Variants in GBE1 observed in about 807,000 individuals in gnomAD.
GBE1 encodes 1,4-alpha-glucan branching enzyme 1.
A neutral mutation model predicts 88.8 loss-of-function variants in GBE1; 70 were observed. The ratio of observed to expected loss-of-function variants is 0.79; its 90% CI spans 0.65 to 0.96. The LOEUF (loss-of-function observed/expected upper bound fraction) is 0.96. GBE1 is among the 40% of genes least tolerant of loss of function. The probability of loss-of-function intolerance (pLI) is 0.00; values close to 1 mark genes in which losing one functional copy is unlikely to be tolerated. For synonymous variants in GBE1, 284 were observed against 300.1 expected, an observed-to-expected ratio of 0.95 and a Z score of 0.56; for missense variants, 872 against 871.0, an observed-to-expected ratio of 1.00 and a Z score of -0.01.
chr3:81,647,448 G>A (rs2107068998), intron 5 of GBE1, among the ~76,000 whole-genome samples: 1 of 152,056 alleles, frequency 6.6e-6, no homozygotes, highest in East Asian at 1.9e-4. Flanking sequence ...TAGATATTGT[G>A]TTTTAAAAAT....
chr3:81,595,862 T>C (rs1411035239), intron 7 of GBE1, among the ~76,000 whole-genome samples: 1 of 151,942 alleles, frequency 6.6e-6, no homozygotes. Flanking sequence ...TTAGCATGTA[T>C]GAACAACAAA....
In GBE1 at chr3:81,581,172, TG is replaced by T; in HGVS notation, c.1438del (p.His480MetfsTer15). ...LEKCIAYAES[H>X]DQALVGDKSL... ...ATGCACATATTCATTTACCTGATCA[TG>T]GCTCTCTGCATAAGCAATGCACTTT... On this transcript the variant is annotated frameshift_variant, in exon 11 of 16. Transcript: ENST00000429644. LOFTEE classifies it high-confidence loss of function. The T allele has an allele frequency of 6.3e-7, 1 of 1,596,078 alleles. No homozygotes were observed. The highest frequency in any genetic ancestry group is 8.6e-7 in the Non-Finnish European group (1 of 1,166,200).
intron 7 of GBE1, among the ~76,000 whole-genome samples, chr3:81,622,219 A>G (rs1704342474): frequency 6.6e-6 from 1 of 152,172 alleles, no homozygotes; most frequent in Non-Finnish European, 1.5e-5. Context: ...ATTCCAACAA[A>G]ACCATTTTTA....
intron 12 of GBE1, among the ~76,000 whole-genome samples, chr3:81,565,221 C>T (rs897438594): frequency 4.6e-5 from 7 of 152,156 alleles, no homozygotes; most frequent in Non-Finnish European, 8.8e-5. Flanking sequence ...TTTTTCACAG[C>T]TCAGTTTTAT....
intron 2 of GBE1, among the ~76,000 whole-genome samples, chr3:81,672,053 TCA>T (rs1559683131): frequency 6.6e-6 from 1 of 152,000 alleles, no homozygotes; most frequent in East Asian, 1.9e-4. Flanking sequence ...ATACTCAAGC[TCA>T]CTGTTTAATC....
At chr3:81,600,524 A>G (rs962103107) in intron 7 of GBE1, among the ~76,000 whole-genome samples, 4 of 152,124 alleles carry the variant, frequency 2.6e-5, no homozygotes, top group African/African-American at 9.7e-5. Flanking sequence ...CTTGGCTCTA[A>G]TCAGCATAAA....
chr3:81,630,897 A>G (rs140190272), intron 7 of GBE1, among the ~76,000 whole-genome samples: 127 of 152,260 alleles, frequency 8.3e-4, no homozygotes, highest in South Asian at 3.3e-3. Flanking sequence ...ATAGGATCCT[A>G]AGAAATATAT....
rs962884159 is a variant in GBE1, at chr3:81,718,837, G to A, written c.144-13224C>T. ...TTTTGTAGAGACGAGATTTCTCCAC[G>A]TTGGTCAGGCTGGTCTCAAACTCCT... On this transcript the variant is annotated intron_variant, in intron 1 of 15. Transcript: ENST00000429644. 3.9e-5 allele frequency among the ~76,000 whole-genome samples: 6 copies of A among 151,912 alleles called. No homozygotes were observed. In the East Asian group the frequency reaches 5.8e-4, roughly 15 times the overall value.
chr3:81,567,482 A>G (rs1482504786), intron 12 of GBE1, among the ~76,000 whole-genome samples: 2 of 152,280 alleles, frequency 1.3e-5, no homozygotes, highest in Non-Finnish European at 2.9e-5. Context: ...ACTGTTTGCC[A>G]TTTCATTTGA....
chr3:81,553,135 T>C (rs1052457044), intron 12 of GBE1, among the ~76,000 whole-genome samples: 13 of 152,198 alleles, frequency 8.5e-5, no homozygotes, highest in African/African-American at 3.1e-4. Context: ...ATAAAAAGAA[T>C]GTACTTCCAA....
At chr3:81,746,354 C>A (rs1706420477) in intron 1 of GBE1, among the ~76,000 whole-genome samples, 1 of 152,034 alleles carries the variant, frequency 6.6e-6, no homozygotes, top group African/African-American at 2.4e-5. Flanking sequence ...CATTGACTTC[C>A]CAGGCTCAAG....
intron 14 of GBE1, among the ~76,000 whole-genome samples, chr3:81,527,874 C>A (rs1559634655): frequency 6.6e-6 from 1 of 151,950 alleles, no homozygotes; most frequent in African/African-American, 2.4e-5. Flanking sequence ...TGGGTATATA[C>A]CCAAAGGATT....
chr3:81,571,355 C>T (rs1044907511), intron 12 of GBE1, among the ~76,000 whole-genome samples: 2 of 152,170 alleles, frequency 1.3e-5, no homozygotes, highest in African/African-American at 4.8e-5. Context: ...GATATTTCAA[C>T]TTATGTGTTA....
At chr3:81,593,370 C>CAATAATAATAATAATAAT (rs6147919) in intron 8 of GBE1, among the ~76,000 whole-genome samples, 3,382 of 144,054 alleles carry the variant, frequency 0.023, 45 homozygotes, top group Non-Finnish European at 0.031. Context: ...GTCTCAAGAA[C>CAATAATAATAATAATAAT]AATAATAATA....
chr3:81,743,600 T>G (rs1215858342), intron 1 of GBE1: 13 of 1,535,236 alleles, frequency 8.5e-6, no homozygotes, highest in Non-Finnish European at 1.0e-5. Context: ...TAGAAACAGC[T>G]GTTAATCTGG....
chr3:81,708,445 A>G (rs1318739414), intron 1 of GBE1, among the ~76,000 whole-genome samples: 3 of 152,156 alleles, frequency 2.0e-5, no homozygotes, highest in African/African-American at 7.2e-5. Flanking sequence ...AAACTCATAT[A>G]TAACTAAAGA....
chr3:81,731,896 T>C (rs145084822), intron 1 of GBE1, among the ~76,000 whole-genome samples: 309 of 152,282 alleles, frequency 2.0e-3, no homozygotes, highest in Middle Eastern at 0.014. Context: ...TTTATAGTAG[T>C]GTGAGAACAT....
intron 5 of GBE1, among the ~76,000 whole-genome samples, chr3:81,648,616 T>G (rs1051841910): frequency 7.2e-5 from 11 of 152,130 alleles, no homozygotes; most frequent in Non-Finnish European, 1.5e-4. Context: ...AAGTCATCAG[T>G]TCACATTACT....
chr3:81,651,770 C>T (rs1030788731), intron 3 of GBE1, among the ~76,000 whole-genome samples: 15 of 152,188 alleles, frequency 9.9e-5, no homozygotes, highest in Admixed American at 2.6e-4. Flanking sequence ...ATAATACCTC[C>T]AAAGGCCCAT....
Sources: gnomAD v4.1 joint callset for allele counts (sites outside exome capture counted in the v4.1 genomes callset) on GRCh38, gnomAD v4.1.1 for gene constraint, MANE v1.5 for transcripts, NCBI Gene and HGNC (gene_info 2026-07-23, HGNC 2026-07-21) for gene names.